The following PECAM1 variants were observed in gnomAD, a reference collection of about 807,000 sequenced individuals.
PECAM1 encodes the protein platelet endothelial cell adhesion molecule.
Under a neutral mutation model 13.8 loss-of-function variants are expected in PECAM1, and 8 were observed. The ratio of observed to expected loss-of-function variants is 0.58; its 90% confidence interval spans 0.34 to 1.05. The LOEUF is 1.05. PECAM1 is among the 50% of genes least tolerant of loss of function. The pLI, the probability that PECAM1 is intolerant of heterozygous loss-of-function variation, is 0.03. For missense variants in PECAM1, 304 were observed against 141.2 expected (o/e 2.15, Z -5.84); for synonymous variants, 136 against 52.6 (o/e 2.58, Z -6.86).
chr17:64,380,446 G>A (rs1266323209), intron 2 of PECAM1, among the ~76,000 whole-genome samples: 15 of 152,190 alleles, frequency 9.9e-5, no homozygotes, highest in South Asian at 6.2e-4. Context: ...ATCCCTACAC[G>A]TCCCCCCAGA....
At chr17:64,389,761 T>C (rs2036675497) in intron 2 of PECAM1, among the ~76,000 whole-genome samples, 2 of 151,916 alleles carry the variant, frequency 1.3e-5, no homozygotes, top group Non-Finnish European at 2.9e-5. Flanking sequence ...ATCTAGAAAA[T>C]GTGAGGCCGG....
At chr17:64,381,276 T>C (rs2143892614) in intron 2 of PECAM1, among the ~76,000 whole-genome samples, 1 of 152,334 alleles carries the variant, frequency 6.6e-6, no homozygotes, top group East Asian at 1.9e-4. Context: ...TCTTTTTGCT[T>C]TGATTGTTAA....
intron 14 of PECAM1, among the ~76,000 whole-genome samples, chr17:64,338,545 T>C (rs1397114637): frequency 2.0e-5 from 3 of 146,938 alleles, no homozygotes; most frequent in Non-Finnish European, 4.5e-5. Flanking sequence ...TTAAGAAGCT[T>C]TATATATTTA....
At chr17:64,361,228 C>G (rs2035971557) in intron 6 of PECAM1, among the ~76,000 whole-genome samples, 1 of 150,866 alleles carries the variant, frequency 6.6e-6, no homozygotes, top group Non-Finnish European at 1.5e-5. Context: ...TGACCACAAC[C>G]TCCACCTCCT....
chr17:64,358,800 ATT>A (rs1196401910), intron 7 of PECAM1, among the ~76,000 whole-genome samples: 3 of 144,372 alleles, frequency 2.1e-5, no homozygotes, highest in Non-Finnish European at 1.5e-5. Context: ...GTTAATGTTA[ATT>A]TTTTTTTTTT....
chr17:64,334,252 G>A (rs1009568960), intron 14 of PECAM1, among the ~76,000 whole-genome samples: 3 of 151,966 alleles, frequency 2.0e-5, no homozygotes, highest in Non-Finnish European at 2.9e-5. Flanking sequence ...CTCTCTCCTC[G>A]GCCCTGGGGC....
chr17:64,343,539 G>C (rs1268591056), intron 13 of PECAM1, among the ~76,000 whole-genome samples: 2 of 152,194 alleles, frequency 1.3e-5, no homozygotes, highest in African/African-American at 4.8e-5. Context: ...CCATTCCTAG[G>C]CTTGCTCAGC....
chr17:64,329,737 A>T lies in PECAM1; in HGVS notation c.2165-15T>A. On this transcript the variant is annotated splice_polypyrimidine_tract_variant and intron_variant, in intron 14 of 15. Coordinates refer to ENST00000563924, the MANE Select transcript of PECAM1 (RefSeq NM_000442.5). ...TTCCACGGCATCTACAAAACAAAGG[A>T]TGACATGGCAGTGAGCAACGCAAAT... The T allele has an allele frequency of 1.3e-6, 1 of 768,508 alleles. No homozygotes were observed. Among genetic ancestry groups the T allele is most frequent in the Non-Finnish European group, 2.4e-6 (1 of 411,820 alleles). 47.6% of individuals were successfully genotyped at this position (768,508 alleles called of 1,614,324 possible).
At chr17:64,330,752 C>CT (rs11388542) in intron 14 of PECAM1, among the ~76,000 whole-genome samples, 81,752 of 149,050 alleles carry the variant, frequency 0.55, 22,340 homozygotes, top group East Asian at 0.69. Flanking sequence ...CCTGTTGATA[C>CT]TTTTTTTTTT....
intron 8 of PECAM1, among the ~76,000 whole-genome samples, chr17:64,355,752 G>A (rs1229950016): frequency 2.0e-5 from 3 of 152,128 alleles, no homozygotes; most frequent in South Asian, 2.1e-4. Flanking sequence ...CCAGGAAACC[G>A]CCCCCACCCA....
chr17:64,337,910 TC>T (rs1245770136), intron 14 of PECAM1, among the ~76,000 whole-genome samples: 10 of 147,786 alleles, frequency 6.8e-5, no homozygotes, highest in Non-Finnish European at 1.2e-4. Context: ...AACTACTTCT[TC>T]CTTTTTTTTT....
At chr17:64,381,938 T>A (rs2036490277) in intron 2 of PECAM1, among the ~76,000 whole-genome samples, 2 of 151,992 alleles carry the variant, frequency 1.3e-5, no homozygotes, top group East Asian at 3.9e-4. Context: ...TCATCTCTAC[T>A]AAAAATACAA....
At chr17:64,337,505 C>A in intron 14 of PECAM1, among the ~76,000 whole-genome samples, 1 of 152,244 alleles carries the variant, frequency 6.6e-6, no homozygotes, top group East Asian at 1.9e-4. Context: ...CATTTAACCC[C>A]ATTTGCATTT....
At chr17:64,332,900 C>T (rs1183999530) in intron 14 of PECAM1, among the ~76,000 whole-genome samples, 2 of 152,252 alleles carry the variant, frequency 1.3e-5, no homozygotes, top group African/African-American at 4.8e-5. Flanking sequence ...CGCCTGTCAT[C>T]CCAGAACTTT....
intron 2 of PECAM1, among the ~76,000 whole-genome samples, chr17:64,381,403 T>C (rs1002638021): frequency 6.6e-6 from 1 of 152,208 alleles, no homozygotes; most frequent in Non-Finnish European, 1.5e-5. Context: ...TCCTCATTAA[T>C]TGTATCTCAT....
intron 6 of PECAM1, among the ~76,000 whole-genome samples, chr17:64,362,542 C>T (rs1248504919): frequency 2.0e-5 from 3 of 152,072 alleles, no homozygotes; most frequent in Non-Finnish European, 4.4e-5. Context: ...GTCCCAGCTA[C>T]TTGGGAGGCT....
intron 15 of PECAM1, among the ~76,000 whole-genome samples, chr17:64,326,264 G>A (rs551555758): frequency 1.5e-4 from 23 of 152,370 alleles, no homozygotes; most frequent in Middle Eastern, 3.4e-3. Context: ...AACTCAGCAA[G>A]GCAGAAGCTG....
intron 13 of PECAM1, among the ~76,000 whole-genome samples, chr17:64,344,083 C>T (rs2079651990): frequency 6.6e-6 from 1 of 152,116 alleles, no homozygotes; most frequent in African/African-American, 2.4e-5. Flanking sequence ...ATACCAGGCG[C>T]ATGGTGGGGT....
At chr17:64,345,032 TG>T (rs1418140849) in intron 13 of PECAM1, among the ~76,000 whole-genome samples, 2 of 152,190 alleles carry the variant, frequency 1.3e-5, no homozygotes, top group Non-Finnish European at 2.9e-5. Flanking sequence ...TTAAATTTTT[TG>T]TAGAAATAAG....
Sources: gnomAD v4.1 joint callset for allele counts (sites outside exome capture counted in the v4.1 genomes callset) on GRCh38, gnomAD v4.1.1 for gene constraint, MANE v1.5 for transcripts, NCBI Gene and HGNC (gene_info 2026-07-23, HGNC 2026-07-21) for gene names.